SCN8A: variants seen among roughly 807,000 people sequenced by gnomAD.
SCN8A encodes the protein sodium voltage-gated channel alpha subunit 8.
Under a neutral mutation model 184.1 loss-of-function variants are expected in SCN8A, and 30 were observed. The ratio of observed to expected loss-of-function variants is 0.16; its 90% CI spans 0.12 to 0.22. SCN8A has a LOEUF of 0.22. Among genes scored for constraint, SCN8A ranks in the 10% least tolerant of loss-of-function variants. SCN8A has a pLI of 1.00. For synonymous variants in SCN8A, 852 were observed against 907.0 expected (o/e 0.94, Z 1.09); for missense variants, 1,057 against 2,498.9 (o/e 0.42, Z 12.30).
intron 1 of SCN8A, among the ~76,000 whole-genome samples, chr12:51,660,729 T>A (rs1224463938): frequency 6.6e-6 from 1 of 152,236 alleles, no homozygotes. Context: ...TATGCTGCTC[T>A]GGAGATTGAA....
intron 3 of SCN8A, 148 bp downstream of exon 3, chr12:51,684,440 C>T (rs1941387099): frequency 3.1e-6 from 2 of 651,312 alleles, no homozygotes; most frequent in Non-Finnish European, 5.6e-6. Context: ...AGAGTGAACT[C>T]CTGCCACATC....
At chr12:51,744,012 T>G (rs191928310) in intron 12 of SCN8A, among the ~76,000 whole-genome samples, 24 of 152,204 alleles carry the variant, frequency 1.6e-4, no homozygotes, top group Non-Finnish European at 2.5e-4. Flanking sequence ...TAAATAAAAT[T>G]AAATTTTAGC....
At chr12:51,795,187 A>T (rs555978739) in intron 26 of SCN8A, among the ~76,000 whole-genome samples, 5 of 152,144 alleles carry the variant, frequency 3.3e-5, no homozygotes, top group Non-Finnish European at 7.4e-5. Context: ...AAGCTTCTTT[A>T]TTATCTGGAC....
chr12:51,674,428 G>A (rs925398188), intron 2 of SCN8A, among the ~76,000 whole-genome samples: 6 of 152,140 alleles, frequency 3.9e-5, no homozygotes, highest in African/African-American at 1.4e-4. Flanking sequence ...CGCCTCCCGG[G>A]TTCAAATGAT....
chr12:51,607,674 G>A (rs80026649), intron 1 of SCN8A, among the ~76,000 whole-genome samples: 35,266 of 152,042 alleles, frequency 0.23, 5,502 homozygotes, highest in African/African-American at 0.42. Flanking sequence ...TTCTGCATCT[G>A]TTGAGATGAT....
At chr12:51,597,693 G>A (rs936341871) in intron 1 of SCN8A, among the ~76,000 whole-genome samples, 1 of 152,158 alleles carries the variant, frequency 6.6e-6, no homozygotes, top group African/African-American at 2.4e-5. Context: ...TATTTTAATA[G>A]TATAGACAGT....
intron 16 of SCN8A, among the ~76,000 whole-genome samples, chr12:51,767,088 A>G (rs1320026465): frequency 1.3e-5 from 2 of 152,186 alleles, no homozygotes; most frequent in Non-Finnish European, 2.9e-5. Flanking sequence ...TACAAAAAAA[A>G]TAGCTACTGT....
At chr12:51,696,573 C>T (rs1941596223) in intron 6 of SCN8A, among the ~76,000 whole-genome samples, 1 of 152,214 alleles carries the variant, frequency 6.6e-6, no homozygotes, top group Non-Finnish European at 1.5e-5. Context: ...ATTTCAATTA[C>T]TTAATCTCAA....
chr12:51,778,445 C>T (rs1937781078), intron 20 of SCN8A, among the ~76,000 whole-genome samples: 1 of 152,114 alleles, frequency 6.6e-6, no homozygotes. Context: ...CCACCACGCC[C>T]AGCTAATTTA....
At position 51,713,070 on chromosome 12, in the gene SCN8A, T is replaced by G. The variant is rs956842947; in HGVS notation, c.1635+6355T>G. The G allele has an allele frequency of 9.0e-6, 13 of 1,447,254 alleles. No individual in the cohort carries two copies. In the African/African-American group the frequency reaches 1.5e-4, roughly 17 times the overall value. 89.7% of individuals were successfully genotyped at this position (1,447,254 alleles called of 1,614,324 possible). On this transcript the variant is annotated intron_variant, in intron 11 of 26. Transcript: ENST00000627620. ...ATTTCTGAACAACAATTTTATCAAC[T>G]GTATCATGATCATCAAAAGTTACAA... is the stretch of plus-strand genomic sequence containing the variant.
intron 5 of SCN8A, among the ~76,000 whole-genome samples, chr12:51,688,151 T>C (rs949750362): frequency 6.6e-6 from 1 of 152,254 alleles, no homozygotes; most frequent in African/African-American, 2.4e-5. Flanking sequence ...GTGTCCTTGC[T>C]AGGCACAGAG....
intron 2 of SCN8A, among the ~76,000 whole-genome samples, chr12:51,680,644 G>C (rs1941313619): frequency 6.6e-6 from 1 of 152,102 alleles, no homozygotes. Flanking sequence ...GCTACCTCTA[G>C]ACCTATATTT....
At chr12:51,684,715 TA>T (rs2138708991) in intron 3 of SCN8A, among the ~76,000 whole-genome samples, 1 of 152,314 alleles carries the variant, frequency 6.6e-6, no homozygotes, top group South Asian at 2.1e-4. Context: ...TTTGAATTTT[TA>T]AAAAATTTTT....
At chr12:51,680,415 A>C (rs1941310114) in intron 2 of SCN8A, among the ~76,000 whole-genome samples, 1 of 152,188 alleles carries the variant, frequency 6.6e-6, no homozygotes, top group Non-Finnish European at 1.5e-5. Context: ...ACAGCTCATG[A>C]CTGATCCTAA....
intron 1 of SCN8A, among the ~76,000 whole-genome samples, chr12:51,608,490 T>TGATC (rs1276013729): frequency 1.3e-5 from 2 of 152,186 alleles, no homozygotes; most frequent in Non-Finnish European, 2.9e-5. Context: ...TTCCAGCAAT[T>TGATC]GATCCATCTC....
intron 6 of SCN8A, among the ~76,000 whole-genome samples, chr12:51,697,844 TTTGTTG>T (rs749732787): frequency 6.6e-6 from 1 of 152,168 alleles, no homozygotes; most frequent in Non-Finnish European, 1.5e-5. Context: ...TTTTTGTTTT[TTTGTTG>T]TTGTTGTTTT....
chr12:51,710,723 C>T (rs1366866504), intron 11 of SCN8A, among the ~76,000 whole-genome samples: 1 of 152,162 alleles, frequency 6.6e-6, no homozygotes, highest in Non-Finnish European at 1.5e-5. Context: ...ATTTTTCTGT[C>T]TTTGAATTTC....
At chr12:51,709,160 T>G (rs1297329855) in intron 11 of SCN8A, among the ~76,000 whole-genome samples, 1 of 152,164 alleles carries the variant, frequency 6.6e-6, no homozygotes, top group Non-Finnish European at 1.5e-5. Flanking sequence ...AAAGGGATGG[T>G]CTAGGTTTAG....
Position 51,689,034 on chromosome 12 carries a change from A to G in SCN8A, c.644A>G (p.Asn215Ser), listed in dbSNP as rs1346970589. 1 of 1,613,982 alleles carries G rather than the reference A, an allele frequency of 6.2e-7. No individual in the cohort carries two copies. Among genetic ancestry groups the G allele is most frequent in the Non-Finnish European group, 8.5e-7 (1 of 1,179,980 alleles). Residue 215 changes from asparagine to serine, a missense_variant, in exon 6 of 27, where the codon AAT (asparagine) becomes AGT (serine). Asn to Ser is a conservative substitution (Grantham distance 46). Transcript: ENST00000627620. Reference sequence around the variant, plus strand: ...GTGACAGAGTTTGTGGACCTGGGCAATGTCTCAGCGCTGAGAACATTCAGG... The same window carrying G: ...GTGACAGAGTTTGTGGACCTGGGCAGTGTCTCAGCGCTGAGAACATTCAGG... ...AYVTEFVDLG[N>S]VSALRTFRVL...
Sources: allele counts gnomAD v4.1 joint callset (sites outside exome capture counted in the v4.1 genomes callset), GRCh38; gene constraint gnomAD v4.1.1; transcripts MANE v1.5; gene names NCBI Gene and HGNC (gene_info 2026-07-23, HGNC 2026-07-21).